Variants in PPIF observed in about 807,000 individuals in gnomAD.
The protein encoded by PPIF is peptidylprolyl isomerase F, also known as peptidyl-prolyl cis-trans isomerase F, mitochondrial.
PPIF carries 23 observed loss-of-function variants against 20.2 expected under a neutral mutation model. The observed-to-expected ratio is 1.14, with a 90% confidence interval of 0.82 to 1.61. The LOEUF is 1.61. Ranked by LOEUF, PPIF falls within the 40% of genes most tolerant of loss-of-function variation. The pLI is 0.00. For synonymous variants in PPIF, 113 were observed against 123.1 expected (o/e 0.92, Z 0.54); for missense variants, 287 against 291.6 (o/e 0.98, Z 0.11).
intron 4 of PPIF, 108 bp from the exon 5 acceptor site, chr10:79,352,209 T>G (rs1855990982): frequency 1.0e-6 from 1 of 977,910 alleles, no homozygotes; most frequent in African/African-American, 1.6e-5. Context: ...TCCCAGGATC[T>G]GCAGACTCGA....
chr10:79,347,752 G>A lies in PPIF; in HGVS notation c.195+9G>A. On this transcript the variant is annotated intron_variant, in intron 1 of 5. Transcript: ENST00000225174. ...GCCGCGTGGTGCTGGAGGTGAGACC[G>A]CTCGCAGGGCCGGCCTGGGCGCGGG... 2 of 1,325,662 alleles carry A rather than the reference G, an allele frequency of 1.5e-6. No homozygotes were observed. The highest frequency in any genetic ancestry group is 1.9e-6 in the Non-Finnish European group (2 of 1,029,930). The allele number at this position is 1,325,662 out of a possible 1,614,324, so 82.1% of individuals were successfully genotyped here. A position where few individuals can be genotyped will look rare whatever the true frequency, so the allele number is the denominator to read the frequency against.
At chr10:79,348,345 A>T (rs1300252319) in intron 1 of PPIF, among the ~76,000 whole-genome samples, 2 of 151,748 alleles carry the variant, frequency 1.3e-5, no homozygotes, top group African/African-American at 4.8e-5. Flanking sequence ...CGGCGCCTCA[A>T]CCCCTGCCAC....
At position 79,353,907 on chromosome 10, in the gene PPIF, G is replaced by A; in HGVS notation, c.*65G>A. 1 of 1,550,928 alleles carries A rather than the reference G, an allele frequency of 6.4e-7. No individual in the cohort carries two copies. Among genetic ancestry groups the A allele is most frequent in the Non-Finnish European group, 8.8e-7 (1 of 1,135,734 alleles). ...TCCATGCACCCAGGTGGCCGCGTTGGGCTGTCAGCCAAGGTGCCTGAAACG... is the reference window on the plus strand; with the variant it reads ...TCCATGCACCCAGGTGGCCGCGTTGAGCTGTCAGCCAAGGTGCCTGAAACG... On this transcript the variant is annotated 3_prime_UTR_variant, in exon 6 of 6. Coordinates refer to ENST00000225174, the MANE Select transcript of PPIF (RefSeq NM_005729.4).
rs1365645489 is a variant in PPIF at position 79,354,627 on chromosome 10, A to G, written c.*785A>G. On this transcript the variant is annotated 3_prime_UTR_variant, in exon 6 of 6. Coordinates refer to ENST00000225174, the MANE Select transcript of PPIF (RefSeq NM_005729.4). ...TTTTTCTGTGTGTTAAAGAAATTCA[A>G]TCTACTCATGATGTGTTATGCATAA... The G allele has an allele frequency of 2.0e-5, 3 of 152,834 alleles. No individual in the cohort carries two copies. The highest frequency in any genetic ancestry group is 1.9e-4 in the East Asian group (1 of 5,344). The allele number at this position is 152,834 out of a possible 1,614,324, so 9.5% of individuals were successfully genotyped here. A position where few individuals can be genotyped will look rare whatever the true frequency, so the allele number is the denominator to read the frequency against.
intron 4 of PPIF, among the ~76,000 whole-genome samples, chr10:79,352,069 G>A (rs1432344985): frequency 1.3e-5 from 2 of 151,980 alleles, no homozygotes; most frequent in African/African-American, 4.8e-5. Flanking sequence ...CCCAGGTCCC[G>A]CCCCAGCTCT....
Position 79,353,713 on chromosome 10 carries a change from T to C in PPIF, c.495T>C (p.Asp165=), listed in dbSNP as rs1856011271. Residue 165 remains aspartate, a synonymous_variant, in exon 6 of 6, where the codon GAT becomes GAC. Coordinates refer to ENST00000225174, the MANE Select transcript of PPIF (RefSeq NM_005729.4). ...GGGTCACCCGTCCTCACAGGTTGGATGGCAAGCATGTTGTGTTCGGTCACG... is the reference window on the plus strand; with the variant it reads ...GGGTCACCCGTCCTCACAGGTTGGACGGCAAGCATGTTGTGTTCGGTCACG... ...FICTIKTDWL[D]GKHVVFGHVK... is the part of the protein sequence containing the mutation. 4 of 1,614,122 alleles carry C rather than the reference T, an allele frequency of 2.5e-6. No homozygotes were observed. Among genetic ancestry groups the C allele is most frequent in the Non-Finnish European group, 3.4e-6 (4 of 1,180,048 alleles).
Position 79,351,784 on chromosome 10 carries a change from A to AG in PPIF, c.412+204dup, listed in dbSNP as rs779096741. ...TTTCTCATCTCTCAGTTTAAAAAGC[A>AG]GGGTTTCCTTTGGGAACTTTGTGGA... On this transcript the variant is annotated intron_variant, in intron 4 of 5. Coordinates refer to ENST00000225174, the MANE Select transcript of PPIF (RefSeq NM_005729.4). 1.6e-5 allele frequency: 9 copies of AG among 546,768 alleles called. No homozygotes were observed. In the Admixed American group the frequency reaches 2.9e-4, roughly 18 times the overall value. 33.9% of individuals were successfully genotyped at this position (546,768 alleles called of 1,614,324 possible).
intron 5 of PPIF, among the ~76,000 whole-genome samples, chr10:79,352,950 C>T (rs912398518): frequency 9.2e-5 from 14 of 152,380 alleles, no homozygotes; most frequent in Non-Finnish European, 1.6e-4. Context: ...GGTACATTTT[C>T]CTCTAAGGGA....
chr10:79,347,796 C>A, intron 1 of PPIF, 53 bp downstream of exon 1: 2 of 1,250,438 alleles, frequency 1.6e-6, no homozygotes, highest in Non-Finnish European at 2.0e-6. Flanking sequence ...CCGGGGAGAG[C>A]CCTGGGCCCC....
At chr10:79,352,246 T>A in intron 4 of PPIF, 71 bp from the exon 5 acceptor site, 1 of 1,390,280 alleles carries the variant, frequency 7.2e-7, no homozygotes, top group Non-Finnish European at 1.0e-6. Flanking sequence ...TTGCACCGTC[T>A]GCCCTTTCAA....
At chr10:79,350,659 G>T (rs1393629061) in intron 3 of PPIF, among the ~76,000 whole-genome samples, 4 of 152,266 alleles carry the variant, frequency 2.6e-5, no homozygotes, top group African/African-American at 9.6e-5. Context: ...TCCTGAGCCA[G>T]GGTGGGAACT....
At chr10:79,353,615 G>A in intron 5 of PPIF, 92 bp from the exon 6 acceptor site, 1 of 1,601,212 alleles carries the variant, frequency 6.2e-7, no homozygotes, top group Non-Finnish European at 8.5e-7. Context: ...TTTCAGAATT[G>A]CTGTTTTCGG....
intron 5 of PPIF, 64 bp downstream of exon 5, chr10:79,352,456 G>T: frequency 6.5e-7 from 1 of 1,529,884 alleles, no homozygotes; most frequent in Admixed American, 1.7e-5. Flanking sequence ...GAGGATTCGT[G>T]CACTTTTAGG....
At chr10:79,349,419 C>T (rs746335652) in intron 2 of PPIF, among the ~76,000 whole-genome samples, 6 of 152,240 alleles carry the variant, frequency 3.9e-5, no homozygotes, top group Admixed American at 2.0e-4. Flanking sequence ...CCCTTGAGTC[C>T]GTGCCCTGCT....
Position 79,347,518 on chromosome 10 carries a change from C to G in PPIF, c.-31C>G. On this transcript the variant is annotated 5_prime_UTR_variant, in exon 1 of 6. Coordinates refer to ENST00000225174, the MANE Select transcript of PPIF (RefSeq NM_005729.4). The stretch of plus-strand genomic sequence containing the variant: ...CGTCAGTTTGAGTTCTGTGTTCTCC[C>G]CGCCCGTGTCCCGCCCGACCCGCGC... The G allele has an allele frequency of 7.8e-7, 1 of 1,287,566 alleles. No individual in the cohort carries two copies. The allele number at this position is 1,287,566 out of a possible 1,614,324, so 79.8% of individuals were successfully genotyped here.
At position 79,353,722 on chromosome 10, in the gene PPIF, T is replaced by C; in HGVS notation, c.504T>C (p.His168=). 4 of 1,614,194 alleles carry C rather than the reference T, an allele frequency of 2.5e-6. No homozygotes were observed. Among genetic ancestry groups the C allele is most frequent in the Non-Finnish European group, 3.4e-6 (4 of 1,180,014 alleles). The change falls in exon 6 of 6, where the codon CAT becomes CAC. Residue 168 remains histidine, a synonymous_variant. Transcript: ENST00000225174. Reference sequence around the variant, plus strand: ...GTCCTCACAGGTTGGATGGCAAGCATGTTGTGTTCGGTCACGTCAAAGAGG... The same window carrying C: ...GTCCTCACAGGTTGGATGGCAAGCACGTTGTGTTCGGTCACGTCAAAGAGG... ...TIKTDWLDGK[H]VVFGHVKEGM...
chr10:79,352,116 G>A (rs369919738), intron 4 of PPIF, among the ~76,000 whole-genome samples: 13 of 152,164 alleles, frequency 8.5e-5, no homozygotes, highest in African/African-American at 2.6e-4. Context: ...GTCCTCTCAG[G>A]CCACCCCACT....
At position 79,351,509 on chromosome 10, in the gene PPIF, A is replaced by G. The variant is rs866791580; in HGVS notation, c.338A>G (p.Asn113Ser). Reference protein sequence around the residue: ...MCQAGDFTNHNGTGGKSIYGS... With the variant: ...MCQAGDFTNHSGTGGKSIYGS... ...CAGGCGGGCGACTTCACCAACCACAATGGCACAGGCGGGAAGTCCATCTAC... is the reference window on the plus strand; with the variant it reads ...CAGGCGGGCGACTTCACCAACCACAGTGGCACAGGCGGGAAGTCCATCTAC... The change falls in exon 4 of 6, where the codon AAT becomes AGT. Residue 113 changes from asparagine (N) to serine (S), a missense_variant. Transcript: ENST00000225174. 5 of 1,614,034 alleles carry G rather than the reference A, an allele frequency of 3.1e-6. No individual in the cohort carries two copies. Among genetic ancestry groups the G allele is most frequent in the Non-Finnish European group, 4.2e-6 (5 of 1,179,958 alleles).
intron 3 of PPIF, among the ~76,000 whole-genome samples, chr10:79,350,874 G>A (rs915255455): frequency 2.0e-5 from 3 of 152,232 alleles, no homozygotes; most frequent in Admixed American, 6.5e-5. Flanking sequence ...GCTGGGCAGC[G>A]CTAGGCATAG....
Sources: allele counts gnomAD v4.1 joint callset (sites outside exome capture counted in the v4.1 genomes callset), GRCh38; gene constraint gnomAD v4.1.1; transcripts MANE v1.5; gene names NCBI Gene and HGNC (gene_info 2026-07-23, HGNC 2026-07-21).